The following PCDHGA1 variants were observed in gnomAD, a reference collection of about 807,000 sequenced individuals.
PCDHGA1 encodes the protein protocadherin gamma subfamily A, 1.
Under a neutral mutation model 58.0 loss-of-function variants are expected in PCDHGA1, and 32 were observed. That is an observed-to-expected ratio of 0.55 (90% CI 0.42 to 0.74). The LOEUF (loss-of-function observed/expected upper bound fraction) is 0.74. PCDHGA1 is among the 30% of genes least tolerant of loss of function. The probability of loss-of-function intolerance (pLI) is 0.00; values close to 1 mark genes in which losing one functional copy is unlikely to be tolerated. For missense variants in PCDHGA1, 1,205 were observed against 1,182.3 expected, an observed-to-expected ratio of 1.02 and a Z score of -0.28; for synonymous variants, 498 against 501.1, an observed-to-expected ratio of 0.99 and a Z score of 0.08.
At chr5:141,464,916 T>C (rs1298310554) in intron 1 of PCDHGA1, among the ~76,000 whole-genome samples, 1 of 152,024 alleles carries the variant, frequency 6.6e-6, no homozygotes, top group Non-Finnish European at 1.5e-5. Flanking sequence ...TTTTTTTATT[T>C]TTTTGTAGAG....
At chr5:141,425,363 A>C (rs2096870488) in intron 1 of PCDHGA1, among the ~76,000 whole-genome samples, 1 of 152,212 alleles carries the variant, frequency 6.6e-6, no homozygotes, top group Non-Finnish European at 1.5e-5. Context: ...TGATATTAAG[A>C]GGGTTATGTT....
intron 1 of PCDHGA1, among the ~76,000 whole-genome samples, chr5:141,438,655 T>G (rs1436221152): frequency 7.1e-6 from 1 of 140,042 alleles, no homozygotes; most frequent in East Asian, 2.1e-4. Flanking sequence ...CACACACATA[T>G]ATGTATATAT....
intron 1 of PCDHGA1, chr5:141,413,755 A>G: frequency 1.2e-6 from 2 of 1,612,936 alleles, no homozygotes; most frequent in Non-Finnish European, 1.7e-6. Context: ...CAATGGCGTC[A>G]AGTACCCGGA....
intron 1 of PCDHGA1, chr5:141,378,086 T>G (rs1774615238): frequency 6.6e-6 from 1 of 150,862 alleles, no homozygotes. Context: ...TTTTATAACT[T>G]TTTTTCAAAC....
At position 141,494,826 on chromosome 5, in the gene PCDHGA1, A is replaced by C; in HGVS notation, c.2441A>C (p.Asp814Ala). The change falls in exon 2 of 4, where the codon GAC becomes GCC. Residue 814 changes from aspartate to alanine, a missense_variant. Asp to Ala is a moderately radical substitution (Grantham distance 126, BLOSUM62 -2). Transcript: ENST00000517417. The part of the protein sequence containing the change: ...PFSQQAPPNT[D>A]WRFSQAQRPG... ...CCACAGCAAGCCCCGCCCAACACGGACTGGCGTTTCTCTCAGGCCCAGAGA... is the reference window on the plus strand; with the variant it reads ...CCACAGCAAGCCCCGCCCAACACGGCCTGGCGTTTCTCTCAGGCCCAGAGA... 4 of 1,613,960 alleles carry C rather than the reference A, an allele frequency of 2.5e-6. No individual in the cohort carries two copies. Among genetic ancestry groups the C allele is most frequent in the Non-Finnish European group, 3.4e-6 (4 of 1,179,976 alleles).
chr5:141,383,054 T>C, intron 1 of PCDHGA1: 3 of 1,613,872 alleles, frequency 1.9e-6, no homozygotes, highest in Non-Finnish European at 2.5e-6. Flanking sequence ...GCCAAGGACC[T>C]GGGGCTGGAG....
chr5:141,344,117 C>CG lies in PCDHGA1; in HGVS notation c.2421+11014dup, dbSNP rs771828650. The CG allele has an allele frequency of 6.2e-6, 10 of 1,613,874 alleles. No individual in the cohort carries two copies. In the East Asian group the frequency reaches 2.0e-4, roughly 32 times the overall value. ...TGGGGACGCTGTGCGAAACAGGATC[C>CG]GGTCAGATCCGCTACTCGGTGTCTG... On this transcript the variant is annotated intron_variant, in intron 1 of 3. Transcript: ENST00000517417.
chr5:141,396,662 G>C (rs1589287769), intron 1 of PCDHGA1: 1 of 151,614 alleles, frequency 6.6e-6, no homozygotes, highest in Admixed American at 6.6e-5. Context: ...ACTCGGTATA[G>C]GCTATCCATT....
intron 1 of PCDHGA1, among the ~76,000 whole-genome samples, chr5:141,354,267 C>T (rs1232000515): frequency 1.3e-5 from 2 of 152,070 alleles, no homozygotes; most frequent in Non-Finnish European, 1.5e-5. Flanking sequence ...TTAGGCTTTG[C>T]ATTTGAACTG....
intron 1 of PCDHGA1, among the ~76,000 whole-genome samples, chr5:141,479,789 T>C (rs888217885): frequency 3.3e-5 from 5 of 152,196 alleles, no homozygotes; most frequent in Non-Finnish European, 2.9e-5. Flanking sequence ...AAAGCATTCA[T>C]TAATTCAGGG....
chr5:141,398,557 G>A, intron 1 of PCDHGA1: 1 of 1,613,916 alleles, frequency 6.2e-7, no homozygotes. Flanking sequence ...GCAAATAAGT[G>A]AGTCTGCACA....
chr5:141,375,835 C>A (rs772317330), intron 1 of PCDHGA1: 22 of 1,613,984 alleles, frequency 1.4e-5, no homozygotes, highest in Admixed American at 1.7e-5. Flanking sequence ...CCGCAGAGCC[C>A]GGCTACCTGG....
At chr5:141,403,928 G>A in intron 1 of PCDHGA1, 1 of 1,613,876 alleles carries the variant, frequency 6.2e-7, no homozygotes, top group Non-Finnish European at 8.5e-7. Flanking sequence ...AGATGGTGGG[G>A]GATTGAAAGG....
chr5:141,504,907 A>G (rs2099841813), intron 2 of PCDHGA1, among the ~76,000 whole-genome samples: 1 of 152,100 alleles, frequency 6.6e-6, no homozygotes, highest in African/African-American at 2.4e-5. Context: ...TCACTATGAC[A>G]GGAAGCCAGG....
chr5:141,501,636 C>T (rs2099810310), intron 2 of PCDHGA1, among the ~76,000 whole-genome samples: 1 of 152,130 alleles, frequency 6.6e-6, no homozygotes, highest in South Asian at 2.1e-4. Flanking sequence ...CTCAACCTCT[C>T]TGAGCCCTGT....
chr5:141,357,682 G>T, intron 1 of PCDHGA1: 1 of 1,578,696 alleles, frequency 6.3e-7, no homozygotes, highest in Non-Finnish European at 8.6e-7. Context: ...TTGTGTAAAT[G>T]TCTCTCATTT....
intron 1 of PCDHGA1, chr5:141,404,476 C>T (rs1453332441): frequency 6.2e-7 from 1 of 1,613,362 alleles, no homozygotes; most frequent in South Asian, 1.1e-5. Context: ...TCTCTATTAA[C>T]TCAGACACTG....
chr5:141,360,212 C>G (rs17097231), intron 1 of PCDHGA1: 158,148 of 1,612,832 alleles, frequency 0.098, 8,576 homozygotes, highest in African/African-American at 0.15. Flanking sequence ...TCTTTGTTCC[C>G]CGGGGCTCTC....
intron 1 of PCDHGA1, chr5:141,345,528 G>A (rs1486016399): frequency 1.9e-6 from 3 of 1,614,012 alleles, no homozygotes; most frequent in Non-Finnish European, 1.7e-6. Context: ...TCTCCAGGGG[G>A]CGCCCCTGTC....
Sources: allele counts gnomAD v4.1 joint callset (sites outside exome capture counted in the v4.1 genomes callset), GRCh38; gene constraint gnomAD v4.1.1; transcripts MANE v1.5; gene names NCBI Gene and HGNC (gene_info 2026-07-23, HGNC 2026-07-21).